Variants in IGDCC3 observed in about 807,000 individuals in gnomAD.
The protein encoded by IGDCC3 is immunoglobulin superfamily DCC subclass member 3.
In IGDCC3, 47 loss-of-function variants were observed where a neutral mutation model predicts 72.0. The observed-to-expected ratio is 0.65, with a 90% CI of 0.52 to 0.83. The LOEUF (loss-of-function observed/expected upper bound fraction) is 0.83. Ranked by LOEUF, IGDCC3 falls within the 40% of genes least tolerant of loss-of-function variation. The probability of loss-of-function intolerance (pLI) is 0.00; values close to 1 mark genes in which losing one functional copy is unlikely to be tolerated. For synonymous variants in IGDCC3, 477 were observed against 472.8 expected (o/e 1.01, Z -0.11); for missense variants, 1,038 against 1,091.3 (o/e 0.95, Z 0.69).
chr15:65,347,216 C>T lies in IGDCC3; in HGVS notation c.410-11260G>A, dbSNP rs560460235. ...TCACATGACCACAAGGACAACTCAA[C>T]AAAAACAGATACTTCCCCCGAATTT... is the stretch of plus-strand genomic sequence containing the variant. On this transcript the variant is annotated intron_variant, in intron 2 of 13. Transcript: ENST00000327987. Among the ~76,000 whole-genome samples the T allele has an allele frequency of 3.9e-5, 6 of 152,316 alleles. No homozygotes were observed. In the South Asian group the frequency reaches 1.2e-3, roughly 32 times the overall value.
At chr15:65,344,345 C>T (rs550607587) in intron 2 of IGDCC3, among the ~76,000 whole-genome samples, 10 of 152,252 alleles carry the variant, frequency 6.6e-5, no homozygotes, top group Non-Finnish European at 1.3e-4. Flanking sequence ...AGTCCTTCGC[C>T]GCCTGCCTTG....
Position 65,375,249 on chromosome 15 carries a change from G to A in IGDCC3, c.257C>T (p.Thr86Ile). The change falls in exon 2 of 14, where the codon ACC becomes ATC. Residue 86 changes from threonine to isoleucine, a missense_variant. By Grantham distance (89) the Thr-to-Ile change is moderately conservative. Coordinates refer to ENST00000327987, the MANE Select transcript of IGDCC3 (RefSeq NM_004884.4). ...RKNGVELPES[T>I]HSTLLANGSL... Reference sequence around the variant, plus strand: ...CCCATTGGCCAGCAAGGTGGAGTGGGTACTCTCTGGCAGCTCTACCCCATT... The same window carrying A: ...CCCATTGGCCAGCAAGGTGGAGTGGATACTCTCTGGCAGCTCTACCCCATT... 1.2e-6 allele frequency: 2 copies of A among 1,614,192 alleles called. No homozygotes were observed. The highest frequency in any genetic ancestry group is 1.7e-6 in the Non-Finnish European group (2 of 1,180,028).
At chr15:65,335,537 C>A in intron 3 of IGDCC3, 116 bp from the exon 4 acceptor site, 2 of 1,081,074 alleles carry the variant, frequency 1.9e-6, no homozygotes, top group South Asian at 1.5e-5. Context: ...ATCCCAACAT[C>A]AGCAGACACA....
At chr15:65,364,198 G>A (rs1240817125) in intron 2 of IGDCC3, among the ~76,000 whole-genome samples, 1 of 152,210 alleles carries the variant, frequency 6.6e-6, no homozygotes, top group Non-Finnish European at 1.5e-5. Flanking sequence ...GAGACATTCA[G>A]GCCAGTGAAT....
intron 2 of IGDCC3, among the ~76,000 whole-genome samples, chr15:65,340,910 G>A (rs1348156519): frequency 2.0e-5 from 3 of 152,160 alleles, no homozygotes; most frequent in East Asian, 3.9e-4. Context: ...TGTAATTTTA[G>A]TAGAGACAGC....
chr15:65,336,093 T>C, intron 2 of IGDCC3, 137 bp from the exon 3 acceptor site: 1 of 823,968 alleles, frequency 1.2e-6, no homozygotes, highest in South Asian at 1.6e-5. Flanking sequence ...GCAAGGGCAA[T>C]AGCTTGGGGG....
Position 65,329,097 on chromosome 15 carries a change from G to A in IGDCC3, c.2257C>T (p.Pro753Ser), listed in dbSNP as rs763814126. ...PCEETQLSVL[P>S]LQGCGLMEGK... ...TCCATCAGGCCGCACCCCTGAAGTG[G>A]CAGCACGGAGAGCTGGGTCTCCTCA... The change falls in exon 14 of 14, where the codon CCA becomes TCA. Residue 753 changes from proline to serine, a missense_variant. By Grantham distance (74) the Pro-to-Ser change is moderately conservative. Coordinates refer to ENST00000327987, the MANE Select transcript of IGDCC3 (RefSeq NM_004884.4). This position sits in a 1 kb window ranked among gnomAD's most constrained non-coding sequence, Gnocchi z 4.1. 4 of 1,610,872 alleles carry A rather than the reference G, an allele frequency of 2.5e-6. No homozygotes were observed. Among genetic ancestry groups the A allele is most frequent in the Non-Finnish European group, 3.4e-6 (4 of 1,178,954 alleles).
At chr15:65,362,857 T>C (rs1292778291) in intron 2 of IGDCC3, among the ~76,000 whole-genome samples, 3 of 143,940 alleles carry the variant, frequency 2.1e-5, no homozygotes, top group African/African-American at 7.8e-5. Flanking sequence ...TTTTTTTTTT[T>C]TTTTTTTTTT....
At position 65,329,016 on chromosome 15, in the gene IGDCC3, CCAGGCCGGCGCAGGGAGCCGT is replaced by C. The variant is rs748058996; in HGVS notation, c.2317_2337del (p.Thr773_Leu779del). On this transcript the variant is annotated inframe_deletion, in exon 14 of 14. Transcript: ENST00000327987. This position sits in a 1 kb window ranked among gnomAD's most constrained non-coding sequence, Gnocchi z 4.1. ...CCATCTGGGGGTGGTGGGGCAGCCG[CCAGGCCGGCGCAGGGAGCCGT>C]GGCCTCTGTGGTCTTCGCCTCCGTC... 3 of 1,612,306 alleles carry C rather than the reference CCAGGCCGGCGCAGGGAGCCGT, an allele frequency of 1.9e-6. No homozygotes were observed. The East Asian group carries it at 6.7e-5, about 36-fold the overall frequency.
At chr15:65,358,040 T>A (rs1335158069) in intron 2 of IGDCC3, among the ~76,000 whole-genome samples, 5 of 151,950 alleles carry the variant, frequency 3.3e-5, no homozygotes, top group Admixed American at 6.6e-5. Context: ...AAAGCCCCCA[T>A]TTCTAGAGAG....
chr15:65,354,453 A>G (rs2091198393), intron 2 of IGDCC3, among the ~76,000 whole-genome samples: 1 of 152,070 alleles, frequency 6.6e-6, no homozygotes, highest in African/African-American at 2.4e-5. Context: ...CGTCTTCCAT[A>G]TCCGCCAAAG....
At chr15:65,337,468 C>A (rs1307125066) in intron 2 of IGDCC3, among the ~76,000 whole-genome samples, 1 of 152,068 alleles carries the variant, frequency 6.6e-6, no homozygotes, top group Non-Finnish European at 1.5e-5. Flanking sequence ...CACATCCCCA[C>A]GTAGGTACAG....
At chr15:65,335,210 G>A in intron 4 of IGDCC3, 81 bp downstream of exon 4, 1 of 1,471,156 alleles carries the variant, frequency 6.8e-7, no homozygotes, top group Non-Finnish European at 9.2e-7. Flanking sequence ...GCAGAGGCCA[G>A]CTGAAGGGGG....
chr15:65,376,649 T>C (rs1390570318), intron 1 of IGDCC3, among the ~76,000 whole-genome samples: 2 of 151,732 alleles, frequency 1.3e-5, no homozygotes, highest in African/African-American at 4.8e-5. Context: ...TGTAATGTTT[T>C]AAGACTTTTT....
intron 2 of IGDCC3, among the ~76,000 whole-genome samples, chr15:65,344,348 C>A (rs1295634324): frequency 1.3e-5 from 2 of 152,170 alleles, no homozygotes; most frequent in African/African-American, 4.8e-5. Flanking sequence ...CCTTCGCCGC[C>A]TGCCTTGGGC....
chr15:65,357,488 A>T (rs1175574642), intron 2 of IGDCC3, among the ~76,000 whole-genome samples: 1 of 152,208 alleles, frequency 6.6e-6, no homozygotes, highest in Non-Finnish European at 1.5e-5. Context: ...GACTGCCCAT[A>T]GCCAAACCCT....
At chr15:65,369,209 T>C (rs1219242948) in intron 2 of IGDCC3, among the ~76,000 whole-genome samples, 1 of 151,998 alleles carries the variant, frequency 6.6e-6, no homozygotes, top group East Asian at 1.9e-4. Flanking sequence ...GAAATAGACT[T>C]GGAGGAGGCC....
chr15:65,370,620 GTA>G (rs71136346), intron 2 of IGDCC3, among the ~76,000 whole-genome samples: 2,700 of 94,522 alleles, frequency 0.029, 64 homozygotes, highest in African/African-American at 0.077. Flanking sequence ...ATATGTATGT[GTA>G]TATATATATA....
Position 65,331,621 on chromosome 15 carries a change from G to T in IGDCC3, c.1187C>A (p.Ala396Asp). 6.2e-7 allele frequency: 1 copy of T among 1,612,380 alleles called. No individual in the cohort carries two copies. Residue 396 changes from alanine to aspartate, a missense_variant, in exon 8 of 14, where the codon GCC (alanine) becomes GAC (aspartate). Coordinates refer to ENST00000327987, the MANE Select transcript of IGDCC3 (RefSeq NM_004884.4). The stretch of plus-strand genomic sequence containing the variant: ...GTTCTCGGCCACACACTGATAAATG[G>T]CTTCATCCTCAGGACCGATTCCAGA... ...TISGIGPEDEAIYQCVAENSA... is the reference protein window; with the variant it reads ...TISGIGPEDEDIYQCVAENSA...
Sources: allele counts gnomAD v4.1 joint callset (sites outside exome capture counted in the v4.1 genomes callset), GRCh38; gene constraint gnomAD v4.1.1; non-coding constraint Gnocchi (gnomAD v3.1); transcripts MANE v1.5; gene names NCBI Gene and HGNC (gene_info 2026-07-23, HGNC 2026-07-21).